The following FBXW11 variants were observed in gnomAD, a reference collection of about 807,000 sequenced individuals.
The protein encoded by FBXW11 is F-box/WD repeat-containing protein 11.
A neutral mutation model predicts 77.6 loss-of-function variants in FBXW11; 19 were observed. The observed-to-expected ratio is 0.24, with a 90% CI of 0.17 to 0.36. The LOEUF (loss-of-function observed/expected upper bound fraction) is 0.36. Among genes scored for constraint, FBXW11 ranks in the 10% least tolerant of loss-of-function variants. The pLI is 1.00. For missense variants in FBXW11, 334 were observed against 704.2 expected (o/e 0.47, Z 5.95); for synonymous variants, 235 against 249.4 (o/e 0.94, Z 0.54).
chr5:171,941,150 T>A (rs957583285), intron 2 of FBXW11, among the ~76,000 whole-genome samples: 2 of 152,182 alleles, frequency 1.3e-5, no homozygotes, highest in African/African-American at 4.8e-5. Flanking sequence ...GAAGGCTTGA[T>A]AGACATTTCC....
intron 2 of FBXW11, among the ~76,000 whole-genome samples, chr5:171,939,345 C>A (rs1037683630): frequency 1.3e-5 from 2 of 151,894 alleles, no homozygotes; most frequent in African/African-American, 4.8e-5. Flanking sequence ...GAAAACCCAC[C>A]CAAGTGACTC....
intron 7 of FBXW11, among the ~76,000 whole-genome samples, chr5:171,888,326 C>T (rs1312576639): frequency 6.6e-6 from 1 of 152,198 alleles, no homozygotes; most frequent in Non-Finnish European, 1.5e-5. Flanking sequence ...TACCCTTGAG[C>T]TGTATATGCG....
intron 13 of FBXW11, among the ~76,000 whole-genome samples, chr5:171,867,338 T>A (rs1442232083): frequency 6.6e-6 from 1 of 152,198 alleles, no homozygotes; most frequent in Admixed American, 6.5e-5. Flanking sequence ...GCACAAATGT[T>A]TATTTATGAA....
rs549575815 is a variant in FBXW11, at chr5:171,980,990, G to A, written c.46-23292C>T. Among the ~76,000 whole-genome samples, 54 of 152,204 alleles carry A rather than the reference G, an allele frequency of 3.5e-4. 1 individual carries two copies. The highest frequency in any genetic ancestry group is 1.2e-3 in the African/African-American group (51 of 41,524). On this transcript the variant is annotated intron_variant, in intron 1 of 13. Coordinates refer to ENST00000517395, the MANE Select transcript of FBXW11 (RefSeq NM_001378974.1). ...TGGAAGATGGGGGCTGGCTGCTAGA[G>A]GAACCATGATCCAAATTTTCACTGC...
At chr5:171,933,537 G>C (rs1762325249) in intron 2 of FBXW11, among the ~76,000 whole-genome samples, 1 of 152,206 alleles carries the variant, frequency 6.6e-6, no homozygotes, top group Non-Finnish European at 1.5e-5. Context: ...CTCATCCATT[G>C]CATCAAATGT....
intron 2 of FBXW11, among the ~76,000 whole-genome samples, chr5:171,916,848 G>A (rs943858868): frequency 5.9e-5 from 9 of 152,154 alleles, no homozygotes; most frequent in African/African-American, 1.7e-4. Context: ...CATGTCTCCA[G>A]GTACTGCAGA....
intron 6 of FBXW11, among the ~76,000 whole-genome samples, chr5:171,895,105 A>G (rs1759655332): frequency 6.6e-6 from 1 of 152,220 alleles, no homozygotes; most frequent in African/African-American, 2.4e-5. Context: ...TAATGCCAGC[A>G]GCAGGAACAG....
chr5:172,005,411 G>C (rs1581109615), intron 1 of FBXW11, among the ~76,000 whole-genome samples: 1 of 152,322 alleles, frequency 6.6e-6, no homozygotes, highest in East Asian at 1.9e-4. Context: ...TTTCCCTCAT[G>C]TTCACGTTGG....
chr5:171,952,447 A>ATTTTTTTTTTTTTTTTTTT (rs1164383563), intron 2 of FBXW11, among the ~76,000 whole-genome samples: 1 of 6,942 alleles, frequency 1.4e-4, no homozygotes, highest in Non-Finnish European at 3.2e-4. Flanking sequence ...ATATATATAT[A>ATTTTTTTTTTTTTTTTTTT]TTTTTTTTTT....
At chr5:171,928,346 C>T (rs1394629827) in intron 2 of FBXW11, among the ~76,000 whole-genome samples, 12 of 152,138 alleles carry the variant, frequency 7.9e-5, no homozygotes, top group Admixed American at 5.2e-4. Flanking sequence ...AGATTTAATG[C>T]AATCCCTAAA....
In FBXW11 at chr5:171,935,427, G is replaced by A. The variant is rs1408330839; in HGVS notation, c.148-21022C>T. On this transcript the variant is annotated intron_variant, in intron 2 of 13. Coordinates refer to ENST00000517395, the MANE Select transcript of FBXW11 (RefSeq NM_001378974.1). ...CTGTTATTTAAAAAGAAAAAAAAAC[G>A]ATAATTCAAAAAGCTTTCCAGAGAT... 4.6e-5 allele frequency among the ~76,000 whole-genome samples: 7 copies of A among 152,014 alleles called. No individual in the cohort carries two copies. In the East Asian group the frequency reaches 5.8e-4, roughly 13 times the overall value.
intron 4 of FBXW11, among the ~76,000 whole-genome samples, chr5:171,902,892 C>T (rs1760227825): frequency 6.6e-6 from 1 of 152,270 alleles, no homozygotes; most frequent in South Asian, 2.1e-4. Flanking sequence ...AGCCATTATT[C>T]TTGGGTTGGG....
intron 4 of FBXW11, among the ~76,000 whole-genome samples, chr5:171,905,601 T>TCCCCC (rs1760451292): frequency 1.2e-4 from 12 of 102,774 alleles, no homozygotes; most frequent in East Asian, 3.4e-4. Context: ...CCCCCCCCCT[T>TCCCCC]TATTTTCTTG....
intron 1 of FBXW11, among the ~76,000 whole-genome samples, chr5:171,983,942 AAAAC>A (rs1265942600): frequency 5.9e-5 from 9 of 152,290 alleles, no homozygotes; most frequent in Non-Finnish European, 7.3e-5. Context: ...TCAACCAAGT[AAAAC>A]AAACAAACTG....
chr5:171,895,978 C>A (rs1277680665), intron 6 of FBXW11, among the ~76,000 whole-genome samples: 1 of 152,174 alleles, frequency 6.6e-6, no homozygotes, highest in African/African-American at 2.4e-5. Context: ...TGAGCCTTTG[C>A]AGAAAGCTTA....
At chr5:171,985,028 T>G (rs1211324031) in intron 1 of FBXW11, among the ~76,000 whole-genome samples, 1 of 152,226 alleles carries the variant, frequency 6.6e-6, no homozygotes, top group Middle Eastern at 3.2e-3. Flanking sequence ...TAGTCTGATT[T>G]ACATTCATAT....
In FBXW11 at chr5:171,904,508, C is replaced by T. The variant is rs188490353; in HGVS notation, c.437-4408G>A. Among the ~76,000 whole-genome samples the T allele has an allele frequency of 8.5e-5, 13 of 152,154 alleles. No homozygotes were observed. The East Asian group carries it at 2.5e-3, about 29-fold the overall frequency. ...AAAAAGAAAAGATCCCCCCAATCTT[C>T]TCCTGACCTACAAAATCAGAATCTC... is the stretch of plus-strand genomic sequence containing the variant. On this transcript the variant is annotated intron_variant, in intron 4 of 13. Transcript: ENST00000517395. The surrounding 1 kb of genome is among the most constrained non-coding windows in gnomAD (Gnocchi z 4.0).
chr5:171,945,256 A>G (rs1762949931), intron 2 of FBXW11, among the ~76,000 whole-genome samples: 2 of 152,274 alleles, frequency 1.3e-5, no homozygotes, highest in Admixed American at 6.5e-5. Flanking sequence ...AGCTACTGGT[A>G]TAACAACATA....
chr5:171,997,824 A>G (rs766276910), intron 1 of FBXW11, among the ~76,000 whole-genome samples: 8 of 152,226 alleles, frequency 5.3e-5, no homozygotes, highest in Non-Finnish European at 1.0e-4. Flanking sequence ...ATTCAGCAGA[A>G]CAACAAAGAT....
Sources: gnomAD v4.1 joint callset for allele counts (sites outside exome capture counted in the v4.1 genomes callset) on GRCh38, gnomAD v4.1.1 for gene constraint, Gnocchi (gnomAD v3.1) non-coding constraint, MANE v1.5 for transcripts, NCBI Gene and HGNC (gene_info 2026-07-23, HGNC 2026-07-21) for gene names.